Variants in RABL6 observed in about 807,000 individuals in gnomAD.
RABL6 encodes the protein RAB, member RAS oncogene family like 6.
In RABL6, 28 loss-of-function variants were observed where a neutral mutation model predicts 72.9. The observed-to-expected ratio is 0.38, with a 90% CI of 0.28 to 0.53. The LOEUF (loss-of-function observed/expected upper bound fraction) is 0.53. Ranked by LOEUF, RABL6 falls within the 20% of genes least tolerant of loss-of-function variation. The probability of loss-of-function intolerance (pLI) is 0.80; values close to 1 mark genes in which losing one functional copy is unlikely to be tolerated. For synonymous variants in RABL6, 477 were observed against 421.2 expected, an observed-to-expected ratio of 1.13 and a Z score of -1.62; for missense variants, 1,029 against 1,008.4, an observed-to-expected ratio of 1.02 and a Z score of -0.28.
At chr9:136,817,784 C>T (rs986516152) in intron 1 of RABL6, among the ~76,000 whole-genome samples, 2 of 152,072 alleles carry the variant, frequency 1.3e-5, no homozygotes, top group South Asian at 2.1e-4. Flanking sequence ...GCAAAGGGGG[C>T]CGGGTGCTGG....
At position 136,825,693 on chromosome 9, in the gene RABL6, CACAG is replaced by C. The variant is rs1848340416; in HGVS notation, c.266-82_266-79del. ...CTGGTGGGAGCCGGTGGCTGCGGGG[CACAG>C]ACAACCACACCAGCTGGACCGCTTT... On this transcript the variant is annotated intron_variant, in intron 2 of 14. Coordinates refer to ENST00000311502, the MANE Select transcript of RABL6 (RefSeq NM_024718.5). The C allele has an allele frequency of 8.3e-6, 12 of 1,447,728 alleles. No individual in the cohort carries two copies. The East Asian group carries it at 2.7e-4, about 33-fold the overall frequency. The allele number at this position is 1,447,728 out of a possible 1,614,324, so 89.7% of individuals were successfully genotyped here.
Position 136,832,352 on chromosome 9 carries a change from C to T in RABL6, c.687C>T (p.Ile229=). 1 of 1,613,452 alleles carries T rather than the reference C, an allele frequency of 6.2e-7. No homozygotes were observed. The highest frequency in any genetic ancestry group is 1.7e-5 in the Admixed American group (1 of 60,022). The stretch of plus-strand genomic sequence containing the variant: ...AGTACCTTCATAAGTTCTTCAATAT[C>T]CCATTTTTGCAGCTTCAGGTAAGCA... ...GLKYLHKFFN[I]PFLQLQRETL... Residue 229 remains isoleucine, a synonymous_variant, in exon 7 of 15, where the codon ATC becomes ATT. Coordinates refer to ENST00000311502, the MANE Select transcript of RABL6 (RefSeq NM_024718.5).
chr9:136,831,418 G>A (rs1203997412), intron 5 of RABL6, among the ~76,000 whole-genome samples: 1 of 152,202 alleles, frequency 6.6e-6, no homozygotes, highest in Non-Finnish European at 1.5e-5. Flanking sequence ...AGGTGGTTTT[G>A]TAGGGATGCG....
chr9:136,839,559 G>A (rs1588375223), intron 12 of RABL6, 73 bp downstream of exon 12: 1 of 1,560,334 alleles, frequency 6.4e-7, no homozygotes, highest in Non-Finnish European at 8.7e-7. Context: ...ATCTGGGTGG[G>A]TGCAGTGGGA....
chr9:136,835,865 C>T lies in RABL6; in HGVS notation c.809+20C>T, dbSNP rs1484562706. ...CGGCATGTATGTGGCCGGACCCGCCCGTGCGGGCGGTGTGGGGGCTGCGGG... is the reference window on the plus strand; with the variant it reads ...CGGCATGTATGTGGCCGGACCCGCCTGTGCGGGCGGTGTGGGGGCTGCGGG... On this transcript the variant is annotated intron_variant, in intron 8 of 14. Coordinates refer to ENST00000311502, the MANE Select transcript of RABL6 (RefSeq NM_024718.5). 3.9e-6 allele frequency: 6 copies of T among 1,547,828 alleles called. No homozygotes were observed. The highest frequency in any genetic ancestry group is 2.4e-5 in the East Asian group (1 of 40,916).
intron 5 of RABL6, chr9:136,831,132 G>A (rs969572521): frequency 6.5e-6 from 1 of 154,642 alleles, no homozygotes; most frequent in African/African-American, 2.4e-5. Context: ...GTCACTTGAA[G>A]CGCTGGTTAT....
rs191713079 is a variant in RABL6, at chr9:136,839,806, A to G, written c.1871A>G (p.Asp624Gly). 7 of 1,612,708 alleles carry G rather than the reference A, an allele frequency of 4.3e-6. No homozygotes were observed. The East Asian group carries it at 1.3e-4, about 31-fold the overall frequency. Residue 624 changes from aspartate to glycine, a missense_variant, in exon 13 of 15, where the codon GAC (aspartate) becomes GGC (glycine). Asp to Gly is a moderately conservative substitution (Grantham distance 94). Transcript: ENST00000311502. ...CTCCCCGCCTTCAGACTGAAGAATG[A>G]CTCGGACCTCTTCGGGCTGGGGCTG... ...LPLPAFRLKN[D>G]SDLFGLGLEE...
Position 136,840,648 on chromosome 9 carries a change from G to A in RABL6, c.*126G>A, listed in dbSNP as rs567240330. 47 of 1,549,664 alleles carry A rather than the reference G, an allele frequency of 3.0e-5. No individual in the cohort carries two copies. In the Admixed American group the frequency reaches 7.8e-4, roughly 26 times the overall value. On this transcript the variant is annotated 3_prime_UTR_variant, in exon 15 of 15. Transcript: ENST00000311502. Reference sequence around the variant, plus strand: ...TGCCGTGTGCGCTTCTGAGCTGGAAGAGGCCGGGCATTGGTGGTCCCCAGG... The same window carrying A: ...TGCCGTGTGCGCTTCTGAGCTGGAAAAGGCCGGGCATTGGTGGTCCCCAGG...
chr9:136,834,055 A>C (rs1169959033), intron 7 of RABL6: 2 of 1,444,110 alleles, frequency 1.4e-6, no homozygotes, highest in African/African-American at 2.9e-5. Flanking sequence ...GCTGTGTGTG[A>C]CTATCCTTTT....
In RABL6 at chr9:136,830,308, A is replaced by C. The variant is rs559626061; in HGVS notation, c.458+824A>C. On this transcript the variant is annotated intron_variant, in intron 5 of 14. Coordinates refer to ENST00000311502, the MANE Select transcript of RABL6 (RefSeq NM_024718.5). ...AGCACGCATCAGCAGCCCAGGCCTG[A>C]GGGCGGCTTGAAGCACCTGACCAGC... Among the ~76,000 whole-genome samples, 17 of 152,358 alleles carry C rather than the reference A, an allele frequency of 1.1e-4. No homozygotes were observed. The South Asian group carries it at 3.1e-3, about 28-fold the overall frequency.
At chr9:136,839,972 G>A in intron 13 of RABL6, 107 bp downstream of exon 13, 1 of 1,490,956 alleles carries the variant, frequency 6.7e-7, no homozygotes, top group Non-Finnish European at 9.1e-7. Context: ...AGTCCAGGAT[G>A]CTGTGCCATG....
At chr9:136,820,076 G>C (rs376863817) in intron 1 of RABL6, among the ~76,000 whole-genome samples, 2 of 152,038 alleles carry the variant, frequency 1.3e-5, no homozygotes, top group African/African-American at 2.4e-5. Context: ...GCTTGCGCCT[G>C]TAGTCCCAGC....
At chr9:136,828,457 G>A (rs776009794) in intron 3 of RABL6, 37 bp from the exon 4 acceptor site, 2 of 1,609,788 alleles carry the variant, frequency 1.2e-6, no homozygotes, top group Admixed American at 3.3e-5. Flanking sequence ...AAGGCCCAGG[G>A]GTTCCACCTC....
At chr9:136,828,779 T>A (rs1352558789) in intron 4 of RABL6, among the ~76,000 whole-genome samples, 1 of 152,068 alleles carries the variant, frequency 6.6e-6, no homozygotes, top group East Asian at 1.9e-4. Flanking sequence ...TATTTGCATT[T>A]GAGTGACCTG....
intron 9 of RABL6, 58 bp downstream of exon 9, chr9:136,837,720 G>A (rs1330547288): frequency 9.7e-6 from 15 of 1,546,382 alleles, no homozygotes; most frequent in African/African-American, 2.7e-5. Context: ...CCTCACAGGT[G>A]GGGTCCTGGA....
At chr9:136,817,454 T>C (rs1848142063) in intron 1 of RABL6, among the ~76,000 whole-genome samples, 1 of 151,942 alleles carries the variant, frequency 6.6e-6, no homozygotes, top group African/African-American at 2.4e-5. Flanking sequence ...GAGCATGCAG[T>C]GGACTGGTGA....
intron 3 of RABL6, 32 bp downstream of exon 3, chr9:136,825,858 T>TCTGGGACTGTGTGCTCTGCGCAGA: frequency 6.3e-7 from 1 of 1,595,252 alleles, no homozygotes; most frequent in South Asian, 1.1e-5. Context: ...TCTGCTTCTC[T>TCTGGGACTGTGTGCTCTGCGCAGA]CTGGGACTGT....
intron 2 of RABL6, among the ~76,000 whole-genome samples, chr9:136,824,093 A>C (rs1159581976): frequency 1.3e-5 from 2 of 152,022 alleles, no homozygotes; most frequent in Non-Finnish European, 1.5e-5. Context: ...CGTGTCACTA[A>C]AAGGTTCAGT....
rs531300465 is a variant in RABL6 at position 136,833,814 on chromosome 9, G to A, written c.705+1444G>A. The stretch of plus-strand genomic sequence containing the variant: ...GCAGGCTGGGACTGCTGCTGGGGAC[G>A]TTTGGGTTGGAAGGAAGGCGGCAGT... On this transcript the variant is annotated intron_variant, in intron 7 of 14. Coordinates refer to ENST00000311502, the MANE Select transcript of RABL6 (RefSeq NM_024718.5). The A allele has an allele frequency of 5.1e-5, 79 of 1,550,532 alleles. No individual in the cohort carries two copies. The African/African-American group carries it at 1.0e-3, about 20-fold the overall frequency.
Sources: allele counts gnomAD v4.1 joint callset (sites outside exome capture counted in the v4.1 genomes callset), GRCh38; gene constraint gnomAD v4.1.1; transcripts MANE v1.5; gene names NCBI Gene and HGNC (gene_info 2026-07-23, HGNC 2026-07-21).